The following RP1 variants were observed in gnomAD, a reference collection of about 807,000 sequenced individuals.
RP1 encodes the protein oxygen-regulated protein 1.
A neutral mutation model predicts 14.8 loss-of-function variants in RP1; 16 were observed. That is an observed-to-expected ratio of 1.08 (90% CI 0.73 to 1.65). The LOEUF is 1.65. Ranked by LOEUF, RP1 falls within the 40% of genes most tolerant of loss-of-function variation. The pLI, the probability that RP1 is intolerant of heterozygous loss-of-function variation, is 0.00. For synonymous variants in RP1, 876 were observed against 883.6 expected, an observed-to-expected ratio of 0.99 and a Z score of 0.15; for missense variants, 2,631 against 2,535.0, an observed-to-expected ratio of 1.04 and a Z score of -0.81.
intron 24 of RP1, among the ~76,000 whole-genome samples, chr8:54,828,882 CTTTTTTTTTT>C (rs201534661): frequency 0.19 from 15,730 of 83,672 alleles, 688 homozygotes; most frequent in African/African-American, 0.21. Context: ...TCTTCTTCTT[CTTTTTTTTTT>C]TTTTTTTTTT....
chr8:54,728,596 A>G (rs1488341565), intron 17 of RP1, among the ~76,000 whole-genome samples: 1 of 152,186 alleles, frequency 6.6e-6, no homozygotes, highest in African/African-American at 2.4e-5. Flanking sequence ...AAGAAGAAAG[A>G]TGGAACTTTT....
intron 25 of RP1, among the ~76,000 whole-genome samples, chr8:54,848,184 G>A (rs1336094017): frequency 6.6e-6 from 1 of 152,094 alleles, no homozygotes; most frequent in Non-Finnish European, 1.5e-5. Context: ...CAGTCATCTC[G>A]GGCAGCAAAA....
intron 15 of RP1, among the ~76,000 whole-genome samples, chr8:54,718,984 T>G (rs2129349869): frequency 6.6e-6 from 1 of 152,286 alleles, no homozygotes; most frequent in East Asian, 1.9e-4. Flanking sequence ...CCTTAATGTA[T>G]GCAAATACAT....
intron 5 of RP1, chr8:54,655,990 C>A (rs1806746744): frequency 1.4e-5 from 11 of 802,148 alleles, no homozygotes; most frequent in South Asian, 1.2e-4. Context: ...AAAAATAATT[C>A]TCTGAGCTAA....
intron 1 of RP1, chr8:54,560,824 G>A (rs575306547): frequency 6.6e-6 from 1 of 151,926 alleles, no homozygotes; most frequent in East Asian, 2.0e-4. Context: ...ATCCAAGCAG[G>A]AGACCCACAT....
At chr8:54,633,731 C>CTA (rs1208711612), downstream of RP1, among the ~76,000 whole-genome samples, 277 of 134,368 alleles carry the variant, frequency 2.1e-3, 1 homozygote, top group South Asian at 0.012. Context: ...CTCTCTCTCT[C>CTA]TCTCTCTATA....
intron 24 of RP1, among the ~76,000 whole-genome samples, chr8:54,787,295 G>A (rs1344860700): frequency 1.3e-5 from 2 of 152,106 alleles, no homozygotes; most frequent in Non-Finnish European, 2.9e-5. Flanking sequence ...AGGCAGAGAG[G>A]AGTTTCTAGA....
At chr8:54,680,984 A>T (rs552671492) in intron 12 of RP1, among the ~76,000 whole-genome samples, 28 of 151,940 alleles carry the variant, frequency 1.8e-4, no homozygotes, top group Non-Finnish European at 2.6e-4. Flanking sequence ...CAAAAAAGAA[A>T]AGAAGTGTCT....
chr8:54,820,053 C>T (rs1297643791), intron 24 of RP1, among the ~76,000 whole-genome samples: 1 of 152,132 alleles, frequency 6.6e-6, no homozygotes, highest in Admixed American at 6.5e-5. Flanking sequence ...GGGCAACTTC[C>T]CTTCTGGCCA....
intron 27 of RP1, among the ~76,000 whole-genome samples, chr8:54,859,953 T>A (rs1399881939): frequency 1.3e-5 from 2 of 152,092 alleles, no homozygotes; most frequent in Non-Finnish European, 2.9e-5. Flanking sequence ...TGACATGGGA[T>A]GGAAACAATG....
downstream of RP1, among the ~76,000 whole-genome samples, chr8:54,773,192 T>A (rs1585679489): frequency 6.6e-6 from 1 of 152,176 alleles, no homozygotes; most frequent in East Asian, 1.9e-4. Context: ...TGCTCACCAC[T>A]CACTTTCACC....
At chr8:54,858,415 G>C (rs1307133529) in intron 27 of RP1, among the ~76,000 whole-genome samples, 1 of 151,964 alleles carries the variant, frequency 6.6e-6, no homozygotes, top group Admixed American at 6.6e-5. Context: ...TGCCACTGTA[G>C]AGTGATGTTA....
At chr8:54,608,402 A>G (rs1424237309) in intron 1 of RP1, among the ~76,000 whole-genome samples, 1 of 152,190 alleles carries the variant, frequency 6.6e-6, no homozygotes, top group Non-Finnish European at 1.5e-5. Flanking sequence ...AAGGGAGCAT[A>G]TAGAAGCCCT....
intron 8 of RP1, chr8:54,678,346 A>C (rs1807345544): frequency 5.0e-6 from 4 of 793,828 alleles, no homozygotes; most frequent in African/African-American, 3.5e-5. Flanking sequence ...CTAAAGCTTT[A>C]TATTGTACAA....
At chr8:54,797,983 C>T (rs1453721014) in intron 24 of RP1, among the ~76,000 whole-genome samples, 1 of 149,674 alleles carries the variant, frequency 6.7e-6, no homozygotes, top group East Asian at 2.0e-4. Context: ...ATACATATAG[C>T]AGGAGCTCCT....
At chr8:54,615,633 C>T (rs41450348), upstream of RP1, among the ~76,000 whole-genome samples, 11,038 of 152,130 alleles carry the variant, frequency 0.073, 1,259 homozygotes, top group African/African-American at 0.24. Flanking sequence ...AAATTGTGTA[C>T]GTTCACAGTC....
At chr8:54,831,659 T>C (rs915132229) in intron 24 of RP1, among the ~76,000 whole-genome samples, 3 of 151,780 alleles carry the variant, frequency 2.0e-5, no homozygotes, top group African/African-American at 7.2e-5. Context: ...CTTTAAACAG[T>C]CCATTGATTT....
At chr8:54,562,608 A>C (rs1449396619) in intron 1 of RP1, among the ~76,000 whole-genome samples, 1 of 151,932 alleles carries the variant, frequency 6.6e-6, no homozygotes, top group African/African-American at 2.4e-5. Context: ...CGGGAGGCAG[A>C]GGTTGCAGTG....
At chr8:54,842,242 A>G (rs1437962295) in intron 25 of RP1, among the ~76,000 whole-genome samples, 1 of 152,204 alleles carries the variant, frequency 6.6e-6, no homozygotes, top group African/African-American at 2.4e-5. Context: ...CGGCAAATCT[A>G]GGTCTCCATC....
Sources: allele counts gnomAD v4.1 joint callset (sites outside exome capture counted in the v4.1 genomes callset), GRCh38; gene constraint gnomAD v4.1.1; transcripts MANE v1.5; gene names NCBI Gene and HGNC (gene_info 2026-07-23, HGNC 2026-07-21).